The following PLA2G4C variants were observed in gnomAD, a reference collection of about 807,000 sequenced individuals.
The protein encoded by PLA2G4C is cytosolic phospholipase A2 gamma.
In PLA2G4C, 64 loss-of-function variants were observed where a neutral mutation model predicts 73.8. That is an observed-to-expected ratio of 0.87 (90% CI 0.71 to 1.07). The LOEUF is 1.07. Ranked by LOEUF, PLA2G4C falls within the 50% of genes least tolerant of loss-of-function variation. The pLI is 0.00. For missense variants in PLA2G4C, 622 were observed against 665.4 expected, an observed-to-expected ratio of 0.93 and a Z score of 0.72; for synonymous variants, 254 against 252.1, an observed-to-expected ratio of 1.01 and a Z score of -0.07.
At chr19:48,100,042 G>A (rs537649333) in intron 4 of PLA2G4C, 182 bp from the exon 5 acceptor site, 1 of 494,318 alleles carries the variant, frequency 2.0e-6, no homozygotes, top group Non-Finnish European at 3.6e-6. Context: ...TTCGAAGGAG[G>A]ACTCAAAATC....
chr19:48,065,486 T>C (rs1968380216), intron 13 of PLA2G4C, among the ~76,000 whole-genome samples: 1 of 151,776 alleles, frequency 6.6e-6, no homozygotes, highest in South Asian at 2.1e-4. Context: ...CATGGTGACA[T>C]GTGCCTGTAA....
chr19:48,098,150 G>C lies in PLA2G4C; in HGVS notation c.557C>G (p.Ala186Gly). 1 of 1,613,480 alleles carries C rather than the reference G, an allele frequency of 6.2e-7. No individual in the cohort carries two copies. Among genetic ancestry groups the C allele is most frequent in the African/African-American group, 1.3e-5 (1 of 74,994 alleles). ...AAATGTTTGCTTACCTGGTGCTCTT[G>C]CCTCCTGCCAGGAAGGTTGCAGGTC... ...DNDLQPSWQE[A>G]RAPETWFEFT... The change falls in exon 6 of 17, where the codon GCA becomes GGA. Residue 186 changes from alanine to glycine, a missense_variant. Transcript: ENST00000599921.
At position 48,054,872 on chromosome 19, in the gene PLA2G4C, A is replaced by T; in HGVS notation, c.1429+6T>A. 6.2e-7 allele frequency: 1 copy of T among 1,613,708 alleles called. No homozygotes were observed. The highest frequency in any genetic ancestry group is 8.5e-7 in the Non-Finnish European group (1 of 1,179,838). On this transcript the variant is annotated splice_donor_region_variant and intron_variant, in intron 15 of 16. Coordinates refer to ENST00000599921, the MANE Select transcript of PLA2G4C (RefSeq NM_003706.3). The stretch of plus-strand genomic sequence containing the variant: ...GGCTTCTCACCTGCTCCTCCCCTGC[A>T]CCTACCTCCACAGGCATCTATGTTG...
rs1429613977 is a variant in PLA2G4C at position 48,077,827 on chromosome 19, GC to G, written c.845-4del. ...TTCTTGCAGCCTCAGTAATCGGGCT[GC>G]AAAAGAGCAGAGGCAGGGGGAATGT... On this transcript the variant is annotated splice_polypyrimidine_tract_variant and splice_region_variant and intron_variant, in intron 10 of 16. Transcript: ENST00000599921. 1 of 1,604,478 alleles carries G rather than the reference GC, an allele frequency of 6.2e-7. No homozygotes were observed. Among genetic ancestry groups the G allele is most frequent in the Non-Finnish European group, 8.5e-7 (1 of 1,175,654 alleles).
intron 16 of PLA2G4C, among the ~76,000 whole-genome samples, chr19:48,051,275 A>C (rs965431864): frequency 2.0e-5 from 3 of 152,202 alleles, no homozygotes; most frequent in Non-Finnish European, 2.9e-5. Context: ...GTTTTGCTCC[A>C]TAACACTCGT....
At chr19:48,105,271 G>T (rs574609015) in intron 3 of PLA2G4C, 62 bp downstream of exon 3, 2 of 1,113,780 alleles carry the variant, frequency 1.8e-6, no homozygotes, top group East Asian at 2.4e-5. Flanking sequence ...TTGGGCCCTG[G>T]ACACTGGGCA....
Position 48,110,552 on chromosome 19 carries a change from G to GGCTTGGGCTCCGGAATCCGGTGCGGAA in PLA2G4C, c.-99_-98insTTCCGCACCGGATTCCGGAGCCCAAGC. On this transcript the variant is annotated 5_prime_UTR_variant, in exon 1 of 17. Coordinates refer to ENST00000599921, the MANE Select transcript of PLA2G4C (RefSeq NM_003706.3). The stretch of plus-strand genomic sequence containing the variant: ...CTTGTGCTCCGGAATCCGGTGCGGA[G>GGCTTGGGCTCCGGAATCCGGTGCGGAA]GCTTGGGCTCCCTGCGCTTAGCGGT... 2.0e-6 allele frequency: 3 copies of GGCTTGGGCTCCGGAATCCGGTGCGGAA among 1,514,394 alleles called. No homozygotes were observed. Among genetic ancestry groups the GGCTTGGGCTCCGGAATCCGGTGCGGAA allele is most frequent in the Non-Finnish European group, 2.6e-6 (3 of 1,133,782 alleles). 93.8% of individuals were successfully genotyped at this position (1,514,394 alleles called of 1,614,324 possible). A position where few individuals can be genotyped will look rare whatever the true frequency, so the allele number is the denominator to read the frequency against.
chr19:48,110,383 A>C (rs1239248544), intron 1 of PLA2G4C, 104 bp downstream of exon 1: 30 of 703,722 alleles, frequency 4.3e-5, no homozygotes, highest in Non-Finnish European at 6.2e-5. Flanking sequence ...AAAATAAAAT[A>C]AAAAAGAAAA....
chr19:48,082,104 A>G (rs907791027), intron 10 of PLA2G4C, among the ~76,000 whole-genome samples: 2 of 152,030 alleles, frequency 1.3e-5, no homozygotes, highest in Non-Finnish European at 2.9e-5. Context: ...AAAACTACAT[A>G]TTGAATGCAA....
intron 13 of PLA2G4C, among the ~76,000 whole-genome samples, chr19:48,067,003 G>A (rs1475165253): frequency 1.3e-5 from 2 of 150,028 alleles, no homozygotes; most frequent in Non-Finnish European, 2.9e-5. Context: ...ACATACATGA[G>A]TGGTGCAGGG....
intron 1 of PLA2G4C, among the ~76,000 whole-genome samples, chr19:48,107,072 C>T (rs979337685): frequency 2.0e-5 from 3 of 151,990 alleles, no homozygotes; most frequent in East Asian, 1.9e-4. Flanking sequence ...CTTGAACTCC[C>T]GACCTCAGGT....
chr19:48,104,325 G>T (rs1446908649), intron 4 of PLA2G4C: 1 of 392,296 alleles, frequency 2.5e-6, no homozygotes, highest in Admixed American at 4.1e-5. Context: ...TTGCCAGTCG[G>T]TCAGAAGCAC....
At chr19:48,092,297 C>T (rs1358771183) in intron 7 of PLA2G4C, among the ~76,000 whole-genome samples, 1 of 152,172 alleles carries the variant, frequency 6.6e-6, no homozygotes, top group African/African-American at 2.4e-5. Flanking sequence ...GATCCACCCG[C>T]CTCGGCCTCC....
intron 12 of PLA2G4C, among the ~76,000 whole-genome samples, chr19:48,073,336 C>T (rs2029920983): frequency 6.6e-6 from 1 of 152,090 alleles, no homozygotes; most frequent in South Asian, 2.1e-4. Context: ...AGGTGTGAGC[C>T]ACTGCACCCA....
Position 48,072,121 on chromosome 19 carries a change from G to A in PLA2G4C, c.1006+2646C>T, listed in dbSNP as rs969477698. Among the ~76,000 whole-genome samples the A allele has an allele frequency of 1.3e-5, 2 of 152,054 alleles. No homozygotes were observed. Among genetic ancestry groups the A allele is most frequent in the African/African-American group, 4.8e-5 (2 of 41,422 alleles). On this transcript the variant is annotated intron_variant, in intron 12 of 16. Transcript: ENST00000599921. This position sits in a 1 kb window ranked among gnomAD's most constrained non-coding sequence, Gnocchi z 4.4. ...AGATTGCACCACCGCACTCCAGCTTGGGTGACAGAGCGAGACTCCATCTCA... is the reference window on the plus strand; with the variant it reads ...AGATTGCACCACCGCACTCCAGCTTAGGTGACAGAGCGAGACTCCATCTCA...
intron 16 of PLA2G4C, among the ~76,000 whole-genome samples, chr19:48,049,898 T>A (rs1220460775): frequency 6.6e-6 from 1 of 152,160 alleles, no homozygotes; most frequent in Non-Finnish European, 1.5e-5. Context: ...AGACAATAAG[T>A]GTCGGTTGTT....
intron 1 of PLA2G4C, among the ~76,000 whole-genome samples, chr19:48,107,609 G>A (rs1353694028): frequency 2.0e-5 from 3 of 152,248 alleles, no homozygotes; most frequent in African/African-American, 7.2e-5. Flanking sequence ...AGGAAAGGGA[G>A]TCTCCCTTTC....
intron 14 of PLA2G4C, among the ~76,000 whole-genome samples, chr19:48,059,150 A>T (rs1205822720): frequency 1.3e-5 from 2 of 151,872 alleles, no homozygotes; most frequent in African/African-American, 4.8e-5. Context: ...GCATGCCTGT[A>T]ATCTCAGCTA....
chr19:48,056,354 C>T (rs2122445674), intron 14 of PLA2G4C, among the ~76,000 whole-genome samples: 1 of 152,136 alleles, frequency 6.6e-6, no homozygotes, highest in Non-Finnish European at 1.5e-5. Context: ...TTGAGACCAA[C>T]CTGGCCAACA....
Sources: gnomAD v4.1 joint callset for allele counts (sites outside exome capture counted in the v4.1 genomes callset) on GRCh38, gnomAD v4.1.1 for gene constraint, Gnocchi (gnomAD v3.1) non-coding constraint, MANE v1.5 for transcripts, NCBI Gene and HGNC (gene_info 2026-07-23, HGNC 2026-07-21) for gene names.